ETV1: variants seen among roughly 807,000 people sequenced by gnomAD.
ETV1 encodes the protein ETS translocation variant 1.
A neutral mutation model predicts 62.3 loss-of-function variants in ETV1; 27 were observed. The ratio of observed to expected loss-of-function variants is 0.43; its 90% confidence interval spans 0.32 to 0.60. The LOEUF (loss-of-function observed/expected upper bound fraction) is 0.60, where lower values mean the gene tolerates loss of function less well. ETV1 is among the 20% of genes least tolerant of loss of function. The pLI, the probability that ETV1 is intolerant of heterozygous loss-of-function variation, is 0.06. For missense variants in ETV1, 605 were observed against 605.8 expected (o/e 1.00, Z 0.01); for synonymous variants, 222 against 199.6 (o/e 1.11, Z -0.94).
intron 6 of ETV1, among the ~76,000 whole-genome samples, chr7:13,941,024 T>C (rs1049737954): frequency 2.6e-5 from 4 of 152,168 alleles, no homozygotes; most frequent in Admixed American, 1.3e-4. Flanking sequence ...GTAGTGTGTG[T>C]GTGTACATAC....
At position 13,947,100 on chromosome 7, in the gene ETV1, C is replaced by T. The variant is rs17686289; in HGVS notation, c.236-7854G>A. Among the ~76,000 whole-genome samples, 1,273 of 152,254 alleles carry T rather than the reference C, an allele frequency of 8.4e-3. 8 individuals carry two copies. Among genetic ancestry groups the T allele is most frequent in the Middle Eastern group, 0.014 (4 of 294 alleles). Reference sequence around the variant, plus strand: ...TGAGAATATGAATTTAAGATTTGCTCATAGGAGAATAACTTCCCAAACAAT... The same window carrying T: ...TGAGAATATGAATTTAAGATTTGCTTATAGGAGAATAACTTCCCAAACAAT... On this transcript the variant is annotated intron_variant, in intron 6 of 13. Coordinates refer to ENST00000430479, the MANE Select transcript of ETV1 (RefSeq NM_004956.5).
chr7:13,965,789 T>C (rs907705895), intron 6 of ETV1, among the ~76,000 whole-genome samples: 7 of 152,168 alleles, frequency 4.6e-5, no homozygotes, highest in African/African-American at 1.7e-4. Context: ...TGCAAACAGC[T>C]TTCCATTAGC....
intron 5 of ETV1, among the ~76,000 whole-genome samples, chr7:13,985,154 G>C (rs987498064): frequency 6.6e-6 from 1 of 151,954 alleles, no homozygotes. Context: ...CTCTCATAAA[G>C]GTAATGTTCT....
At chr7:13,985,907 A>T (rs2128512794) in intron 5 of ETV1, among the ~76,000 whole-genome samples, 1 of 152,338 alleles carries the variant, frequency 6.6e-6, no homozygotes, top group South Asian at 2.1e-4. Context: ...ATTGCACCAC[A>T]AAATTTTAAC....
intron 6 of ETV1, among the ~76,000 whole-genome samples, chr7:13,955,096 C>CA (rs1789263212): frequency 6.6e-6 from 1 of 152,122 alleles, no homozygotes; most frequent in Admixed American, 6.5e-5. Flanking sequence ...GTAAATCTTG[C>CA]AAAAACATTT....
In ETV1 at chr7:13,914,149, T is replaced by A. The variant is rs537337662; in HGVS notation, c.803-2842A>T. Among the ~76,000 whole-genome samples, 7 of 152,174 alleles carry A rather than the reference T, an allele frequency of 4.6e-5. No homozygotes were observed. The South Asian group carries it at 1.5e-3, about 32-fold the overall frequency. On this transcript the variant is annotated intron_variant, in intron 9 of 13. Coordinates refer to ENST00000430479, the MANE Select transcript of ETV1 (RefSeq NM_004956.5). ...ATCCACCCGCCTCGGCCTCCCAAAG[T>A]GCTGGGATTACAGGCATGAGTCACC...
intron 8 of ETV1, among the ~76,000 whole-genome samples, chr7:13,933,239 G>A (rs535449925): frequency 2.0e-4 from 31 of 152,128 alleles, no homozygotes; most frequent in Non-Finnish European, 4.1e-4. Context: ...TTGTTTTTAC[G>A]AGTCGACCTG....
At chr7:13,942,092 C>T (rs1394594211) in intron 6 of ETV1, among the ~76,000 whole-genome samples, 2 of 145,570 alleles carry the variant, frequency 1.4e-5, no homozygotes, top group Non-Finnish European at 1.5e-5. Context: ...GGCGCGATCT[C>T]GGCTCACTGC....
intron 9 of ETV1, among the ~76,000 whole-genome samples, chr7:13,925,255 C>A (rs59385207): frequency 0.088 from 13,435 of 152,176 alleles, 1,050 homozygotes; most frequent in African/African-American, 0.21. Flanking sequence ...AATAGGTCTT[C>A]AGGGCTAAAA....
At chr7:13,947,903 T>C (rs1388148984) in intron 6 of ETV1, among the ~76,000 whole-genome samples, 3 of 152,232 alleles carry the variant, frequency 2.0e-5, no homozygotes, top group African/African-American at 7.2e-5. Context: ...GAGCTTTATT[T>C]GGTGTTTTAA....
In ETV1 at chr7:13,894,473, T is replaced by TA. The variant is rs1405371475; in HGVS notation, c.*1392dup. The stretch of plus-strand genomic sequence containing the variant: ...TAATATCAGTGCCAGCACTATGTCA[T>TA]ACAGCAACTTCCTCATATTCTTTGA... On this transcript the variant is annotated 3_prime_UTR_variant, in exon 14 of 14. Transcript: ENST00000430479. The TA allele has an allele frequency of 2.6e-5, 6 of 232,844 alleles. No homozygotes were observed. The highest frequency in any genetic ancestry group is 1.3e-4 in the African/African-American group (6 of 45,448). 14.4% of individuals were successfully genotyped at this position (232,844 alleles called of 1,614,324 possible). A position where few individuals can be genotyped will look rare whatever the true frequency, so the allele number is the denominator to read the frequency against.
intron 7 of ETV1, 45 bp from the exon 8 acceptor site, chr7:13,935,941 C>A: frequency 5.5e-6 from 8 of 1,442,486 alleles, no homozygotes; most frequent in South Asian, 4.0e-5. Flanking sequence ...TTCTTTGGAG[C>A]AATTTTTTAA....
At position 13,931,025 on chromosome 7, in the gene ETV1, C is replaced by T. The variant is rs541731924; in HGVS notation, c.802+477G>A. Among the ~76,000 whole-genome samples, 5 of 151,232 alleles carry T rather than the reference C, an allele frequency of 3.3e-5. No homozygotes were observed. In the East Asian group the frequency reaches 1.0e-3, roughly 30 times the overall value. The stretch of plus-strand genomic sequence containing the variant: ...CCGTGTTAGCCAGGGTGGCCTCGAT[C>T]TCGGTCTCAGCCTCCCAAAGTGCTG... On this transcript the variant is annotated intron_variant, in intron 9 of 13. Coordinates refer to ENST00000430479, the MANE Select transcript of ETV1 (RefSeq NM_004956.5).
chr7:13,902,963 T>C (rs185894811), intron 12 of ETV1, among the ~76,000 whole-genome samples: 1 of 152,270 alleles, frequency 6.6e-6, no homozygotes, highest in East Asian at 1.9e-4. Context: ...TTGAGGTAAA[T>C]GGGAGAGAGC....
intron 12 of ETV1, among the ~76,000 whole-genome samples, chr7:13,904,447 T>C (rs1044523392): frequency 3.9e-5 from 6 of 152,196 alleles, no homozygotes; most frequent in Admixed American, 1.3e-4. Context: ...TGAAACTTAA[T>C]GGTCATCTAG....
chr7:13,963,916 A>G (rs540317137), intron 6 of ETV1, among the ~76,000 whole-genome samples: 1 of 152,334 alleles, frequency 6.6e-6, no homozygotes, highest in Admixed American at 6.5e-5. Flanking sequence ...AACAGCCTTT[A>G]ATCTGCAATA....
chr7:13,964,341 C>G (rs10234148), intron 6 of ETV1, among the ~76,000 whole-genome samples: 28,971 of 151,940 alleles, frequency 0.19, 4,907 homozygotes, highest in African/African-American at 0.46. Flanking sequence ...TATTTGACAA[C>G]AACTTTTGCT....
intron 13 of ETV1, among the ~76,000 whole-genome samples, chr7:13,896,745 A>AAAGAAAGAAAGAAAG (rs1375561264): frequency 7.7e-4 from 102 of 132,960 alleles, no homozygotes; most frequent in Non-Finnish European, 1.4e-3. Flanking sequence ...GAAAGAAAGG[A>AAAGAAAGAAAGAAAG]AAGAAAGAAA....
intron 6 of ETV1, among the ~76,000 whole-genome samples, chr7:13,948,757 C>A (rs949652202): frequency 6.6e-6 from 1 of 151,980 alleles, no homozygotes; most frequent in African/African-American, 2.4e-5. Context: ...AGAATATAGT[C>A]TATAATAAAA....
Sources: gnomAD v4.1 joint callset for allele counts (sites outside exome capture counted in the v4.1 genomes callset) on GRCh38, gnomAD v4.1.1 for gene constraint, MANE v1.5 for transcripts, NCBI Gene and HGNC (gene_info 2026-07-23, HGNC 2026-07-21) for gene names.